Variants in TMEFF2 observed in about 807,000 individuals in gnomAD.
The protein encoded by TMEFF2 is tomoregulin-2.
Under a neutral mutation model 53.8 loss-of-function variants are expected in TMEFF2, and 28 were observed. The observed-to-expected ratio is 0.52, with a 90% confidence interval of 0.39 to 0.71. The LOEUF is 0.71. Among genes scored for constraint, TMEFF2 ranks in the 30% least tolerant of loss-of-function variants. The pLI, the probability that TMEFF2 is intolerant of heterozygous loss-of-function variation, is 0.00. For synonymous variants in TMEFF2, 162 were observed against 166.3 expected (o/e 0.97, Z 0.20); for missense variants, 353 against 455.2 (o/e 0.78, Z 2.04).
At chr2:192,120,028 T>C (rs1689510966) in intron 4 of TMEFF2, among the ~76,000 whole-genome samples, 1 of 152,080 alleles carries the variant, frequency 6.6e-6, no homozygotes, top group Non-Finnish European at 1.5e-5. Flanking sequence ...AAAACTGAAA[T>C]AGACATCTCT....
At chr2:192,127,322 G>T (rs533720606) in intron 4 of TMEFF2, among the ~76,000 whole-genome samples, 24 of 152,256 alleles carry the variant, frequency 1.6e-4, no homozygotes, top group Non-Finnish European at 1.5e-4. Context: ...ATTATACAGG[G>T]CTCATTAAAT....
chr2:191,989,900 C>G (rs1686061829), intron 7 of TMEFF2, among the ~76,000 whole-genome samples: 1 of 152,148 alleles, frequency 6.6e-6, no homozygotes, highest in South Asian at 2.1e-4. Context: ...CACCTTTCTT[C>G]TTGCATACTG....
chr2:192,036,796 C>T (rs76070894), intron 5 of TMEFF2: 1 of 152,204 alleles, frequency 6.6e-6, no homozygotes, highest in Non-Finnish European at 1.5e-5. Flanking sequence ...TTCAACAGAT[C>T]TTTGCATAGC....
At chr2:192,106,636 C>T (rs1020540124) in intron 4 of TMEFF2, among the ~76,000 whole-genome samples, 2 of 151,658 alleles carry the variant, frequency 1.3e-5, no homozygotes. Flanking sequence ...ATGTAAAATT[C>T]ATTCAATTCA....
intron 9 of TMEFF2, 140 bp from the exon 10 acceptor site, chr2:191,950,547 G>A (rs1691843851): frequency 6.4e-6 from 8 of 1,257,312 alleles, no homozygotes; most frequent in Non-Finnish European, 9.2e-6. Flanking sequence ...TAGAAGCTTG[G>A]ATTATTTTGG....
chr2:192,051,978 A>T (rs2356753), intron 5 of TMEFF2, among the ~76,000 whole-genome samples: 121,707 of 152,146 alleles, frequency 0.8, 50,028 homozygotes, highest in Middle Eastern at 0.91. Flanking sequence ...TTGCACTCAA[A>T]CACTAAGGAT....
At chr2:192,139,781 A>C (rs955575784) in intron 4 of TMEFF2, among the ~76,000 whole-genome samples, 3 of 152,182 alleles carry the variant, frequency 2.0e-5, no homozygotes, top group African/African-American at 7.2e-5. Flanking sequence ...AAAAATGCTC[A>C]TGCTGCTCCC....
At chr2:192,006,746 T>C (rs1686509624) in intron 5 of TMEFF2, among the ~76,000 whole-genome samples, 1 of 152,196 alleles carries the variant, frequency 6.6e-6, no homozygotes, top group South Asian at 2.1e-4. Flanking sequence ...TGGATGCAGA[T>C]CAAAATCTTC....
rs182182313 is a variant in TMEFF2, at chr2:192,123,750, C to T, written c.439+55918G>A. Among the ~76,000 whole-genome samples, 9 of 152,268 alleles carry T rather than the reference C, an allele frequency of 5.9e-5. No homozygotes were observed. In the East Asian group the frequency reaches 1.7e-3, roughly 29 times the overall value. On this transcript the variant is annotated intron_variant, in intron 4 of 9. Transcript: ENST00000272771. ...TATAAATTAGTCCTCTGAGTTATTA[C>T]AAACCATGATGATGTTTTGAACAAG...
At chr2:192,008,374 G>A (rs529407546) in intron 5 of TMEFF2, among the ~76,000 whole-genome samples, 7 of 152,294 alleles carry the variant, frequency 4.6e-5, no homozygotes, top group Middle Eastern at 3.4e-3. Context: ...CATAGGTCAC[G>A]ATTGCCTTTT....
chr2:191,958,426 T>C (rs569489577), intron 7 of TMEFF2, among the ~76,000 whole-genome samples: 1 of 152,234 alleles, frequency 6.6e-6, no homozygotes. Flanking sequence ...ATTAGGACTA[T>C]TTTTCTTTCT....
chr2:192,118,133 C>T (rs977682146), intron 4 of TMEFF2, among the ~76,000 whole-genome samples: 1 of 151,636 alleles, frequency 6.6e-6, no homozygotes, highest in African/African-American at 2.4e-5. Context: ...TGATTTACTC[C>T]ATAAAGGTAA....
Position 192,072,604 on chromosome 2 carries a change from A to G in TMEFF2, c.440-14829T>C, listed in dbSNP as rs1437616097. ...ATAAAATGAAGTTTTTTTCCCTGAA[A>G]AATATGTGGTGTGATTCAAAGAAAA... On this transcript the variant is annotated intron_variant, in intron 4 of 9. Coordinates refer to ENST00000272771, the MANE Select transcript of TMEFF2 (RefSeq NM_016192.4). Among the ~76,000 whole-genome samples the G allele has an allele frequency of 2.6e-5, 4 of 151,714 alleles. No individual in the cohort carries two copies. In the East Asian group the frequency reaches 5.8e-4, roughly 22 times the overall value.
intron 5 of TMEFF2, among the ~76,000 whole-genome samples, chr2:192,009,178 A>G (rs1379225957): frequency 2.0e-5 from 3 of 152,184 alleles, no homozygotes; most frequent in African/African-American, 7.2e-5. Context: ...CGAGTCAGTT[A>G]TAAGATCTTT....
chr2:192,121,370 T>C (rs1237094517), intron 4 of TMEFF2, among the ~76,000 whole-genome samples: 1 of 152,028 alleles, frequency 6.6e-6, no homozygotes, highest in African/African-American at 2.4e-5. Context: ...GAGGTCACTT[T>C]GTACATAAAG....
chr2:192,107,927 T>TAGAA (rs1559129407), intron 4 of TMEFF2, among the ~76,000 whole-genome samples: 4 of 150,878 alleles, frequency 2.7e-5, no homozygotes, highest in Admixed American at 6.6e-5. Context: ...TCTAATTCTA[T>TAGAA]ACAAAGATAG....
chr2:192,075,808 C>T (rs1199680434), intron 4 of TMEFF2, among the ~76,000 whole-genome samples: 2 of 151,992 alleles, frequency 1.3e-5, no homozygotes, highest in African/African-American at 2.4e-5. Context: ...TTTTCAATTT[C>T]TAACTTTTCC....
chr2:192,009,844 G>A (rs928352623), intron 5 of TMEFF2, among the ~76,000 whole-genome samples: 10 of 152,020 alleles, frequency 6.6e-5, no homozygotes, highest in Non-Finnish European at 2.9e-5. Context: ...AGGTGGTAGA[G>A]CACAAGTATT....
intron 5 of TMEFF2, among the ~76,000 whole-genome samples, chr2:192,024,750 T>A (rs1343438575): frequency 6.6e-6 from 1 of 152,242 alleles, no homozygotes; most frequent in Non-Finnish European, 1.5e-5. Context: ...AATCGTCCAA[T>A]GACTTTTGCA....
Sources: allele counts gnomAD v4.1 joint callset (sites outside exome capture counted in the v4.1 genomes callset), GRCh38; gene constraint gnomAD v4.1.1; transcripts MANE v1.5; gene names NCBI Gene and HGNC (gene_info 2026-07-23, HGNC 2026-07-21).